DEPTOR: variants seen among roughly 807,000 people sequenced by gnomAD.
DEPTOR encodes the protein DEP domain containing MTOR interacting protein, also known as DEP domain-containing mTOR-interacting protein.
A neutral mutation model predicts 41.6 loss-of-function variants in DEPTOR; 41 were observed. The ratio of observed to expected loss-of-function variants is 0.98; its 90% CI spans 0.77 to 1.28. The LOEUF is 1.28. Among genes scored for constraint, DEPTOR ranks in the 50% most tolerant of loss-of-function variants. The pLI is 0.00. For missense variants in DEPTOR, 514 were observed against 527.9 expected, an observed-to-expected ratio of 0.97 and a Z score of 0.26; for synonymous variants, 195 against 192.3, an observed-to-expected ratio of 1.01 and a Z score of -0.12.
At chr8:119,881,717 C>G (rs1191127913) in intron 1 of DEPTOR, among the ~76,000 whole-genome samples, 11 of 151,970 alleles carry the variant, frequency 7.2e-5, no homozygotes, top group Admixed American at 2.0e-4. Context: ...CCCTTAGAAG[C>G]TAGGATTGAA....
chr8:119,981,742 C>T (rs1282248361), intron 4 of DEPTOR, among the ~76,000 whole-genome samples: 3 of 151,734 alleles, frequency 2.0e-5, no homozygotes, highest in Non-Finnish European at 2.9e-5. Context: ...TCAGGCTGGG[C>T]GTGATGGCTC....
intron 3 of DEPTOR, among the ~76,000 whole-genome samples, chr8:119,961,062 C>A (rs1276154904): frequency 6.6e-6 from 1 of 151,766 alleles, no homozygotes; most frequent in East Asian, 1.9e-4. Flanking sequence ...AAACTTAAAT[C>A]TTTGAATGCA....
intron 6 of DEPTOR, 55 bp from the exon 7 acceptor site, chr8:120,006,750 G>A: frequency 6.7e-7 from 1 of 1,500,238 alleles, no homozygotes; most frequent in Non-Finnish European, 9.3e-7. Context: ...GCTGCTGAAT[G>A]CATGGATAGA....
intron 6 of DEPTOR, 61 bp downstream of exon 6, chr8:120,003,172 A>C: frequency 6.3e-7 from 1 of 1,583,886 alleles, no homozygotes; most frequent in African/African-American, 1.3e-5. Context: ...GGTCCCTGGG[A>C]AGCAGAATCT....
chr8:119,911,307 C>T (rs956978875), intron 1 of DEPTOR, among the ~76,000 whole-genome samples: 26 of 132,018 alleles, frequency 2.0e-4, no homozygotes, highest in Non-Finnish European at 3.5e-4. Flanking sequence ...TATGTACACA[C>T]ATTCTTTTTT....
chr8:119,973,182 G>A (rs1259551608), intron 4 of DEPTOR, among the ~76,000 whole-genome samples: 1 of 151,786 alleles, frequency 6.6e-6, no homozygotes, highest in Non-Finnish European at 1.5e-5. Flanking sequence ...CAGGTGATCT[G>A]CCCACCTCAG....
At chr8:119,927,671 C>T (rs10955942) in intron 1 of DEPTOR, among the ~76,000 whole-genome samples, 26,011 of 150,974 alleles carry the variant, frequency 0.17, 2,757 homozygotes, top group Middle Eastern at 0.34. Context: ...TGCAATGGCA[C>T]GATCTCAGCT....
chr8:120,041,309 G>C (rs1813065758), intron 8 of DEPTOR, among the ~76,000 whole-genome samples: 1 of 152,154 alleles, frequency 6.6e-6, no homozygotes, highest in Non-Finnish European at 1.5e-5. Flanking sequence ...ATGTGCAATT[G>C]AACAATCCCA....
At chr8:119,908,046 G>T (rs912859875) in intron 1 of DEPTOR, among the ~76,000 whole-genome samples, 1 of 152,140 alleles carries the variant, frequency 6.6e-6, no homozygotes, top group Non-Finnish European at 1.5e-5. Flanking sequence ...ATTAGAGGAT[G>T]AGAGGGTTGG....
intron 8 of DEPTOR, among the ~76,000 whole-genome samples, chr8:120,011,271 T>C (rs1179181603): frequency 6.6e-6 from 1 of 152,132 alleles, no homozygotes; most frequent in African/African-American, 2.4e-5. Flanking sequence ...ACCTCACTCA[T>C]GTCAGGGAGG....
At chr8:119,989,976 C>CT (rs1439910418) in intron 4 of DEPTOR, among the ~76,000 whole-genome samples, 1 of 152,138 alleles carries the variant, frequency 6.6e-6, no homozygotes, top group Non-Finnish European at 1.5e-5. Flanking sequence ...AATTATGTAT[C>CT]TGAGATATTC....
At position 120,007,000 on chromosome 8, in the gene DEPTOR, G is replaced by A. The variant is rs140605987; in HGVS notation, c.996+125G>A. ...TTCTAATTTTCTTTTTGTTTTTAGC[G>A]TAATTATGATACTAGGCTTTCTTGA... On this transcript the variant is annotated intron_variant, in intron 7 of 8. Transcript: ENST00000286234. The A allele has an allele frequency of 3.9e-4, 363 of 933,692 alleles. 1 individual carries two copies. The African/African-American group carries it at 4.4e-3, about 11-fold the overall frequency. The allele number at this position is 933,692 out of a possible 1,614,324, so 57.8% of individuals were successfully genotyped here.
intron 1 of DEPTOR, among the ~76,000 whole-genome samples, chr8:119,884,525 A>T (rs2129686908): frequency 6.6e-6 from 1 of 151,930 alleles, no homozygotes; most frequent in South Asian, 2.1e-4. Flanking sequence ...AACCAATATG[A>T]GAAAAGGCAA....
chr8:120,002,862 C>T, intron 5 of DEPTOR, 115 bp from the exon 6 acceptor site: 1 of 1,198,018 alleles, frequency 8.3e-7, no homozygotes, highest in Non-Finnish European at 1.1e-6. Context: ...TTTTCTGCCA[C>T]TAAGACCAGT....
chr8:119,954,442 G>T (rs1176558312), intron 3 of DEPTOR, among the ~76,000 whole-genome samples: 1 of 152,178 alleles, frequency 6.6e-6, no homozygotes, highest in East Asian at 1.9e-4. Context: ...AGCATGCCCA[G>T]TCTGTTTTGC....
At chr8:120,034,277 A>G (rs1812939955) in intron 8 of DEPTOR, among the ~76,000 whole-genome samples, 1 of 149,100 alleles carries the variant, frequency 6.7e-6, no homozygotes, top group African/African-American at 2.4e-5. Context: ...ACACACACAC[A>G]CACACACACA....
chr8:119,923,795 T>A (rs1160155370), intron 1 of DEPTOR, among the ~76,000 whole-genome samples: 1 of 152,126 alleles, frequency 6.6e-6, no homozygotes, highest in Non-Finnish European at 1.5e-5. Context: ...AGGAAATTGT[T>A]TCTTGAATTG....
At position 120,006,788 on chromosome 8, in the gene DEPTOR, T is replaced by C. The variant is rs906182823; in HGVS notation, c.926-17T>C. ...ACTTGGAAGTGCTTATGTCTTGACA[T>C]TGTGTTTGTCTGCCAGTGCTGAAGA... On this transcript the variant is annotated splice_polypyrimidine_tract_variant and intron_variant, in intron 6 of 8. Transcript: ENST00000286234. 2.5e-6 allele frequency: 4 copies of C among 1,613,184 alleles called. No individual in the cohort carries two copies. Among genetic ancestry groups the C allele is most frequent in the African/African-American group, 2.7e-5 (2 of 74,858 alleles).
chr8:119,897,890 C>T (rs1180980359), intron 1 of DEPTOR, among the ~76,000 whole-genome samples: 3 of 152,172 alleles, frequency 2.0e-5, no homozygotes, highest in Non-Finnish European at 2.9e-5. Flanking sequence ...AGGAAACACT[C>T]ATTGTTAGTT....
Sources: allele counts gnomAD v4.1 joint callset (sites outside exome capture counted in the v4.1 genomes callset), GRCh38; gene constraint gnomAD v4.1.1; transcripts MANE v1.5; gene names NCBI Gene and HGNC (gene_info 2026-07-23, HGNC 2026-07-21).